Variants in KRT7 observed in about 807,000 individuals in gnomAD.
KRT7 encodes keratin 7.
Under a neutral mutation model 42.8 loss-of-function variants are expected in KRT7, and 50 were observed. The observed-to-expected ratio is 1.17, with a 90% CI of 0.93 to 1.48. KRT7 has a LOEUF of 1.48. Among genes scored for constraint, KRT7 ranks in the 40% most tolerant of loss-of-function variants. The pLI is 0.00. For synonymous variants in KRT7, 268 were observed against 266.3 expected, an observed-to-expected ratio of 1.01 and a Z score of -0.06; for missense variants, 588 against 637.6, an observed-to-expected ratio of 0.92 and a Z score of 0.84.
intron 3 of KRT7, among the ~76,000 whole-genome samples, chr12:52,238,351 A>G (rs1361362632): frequency 6.6e-6 from 1 of 152,232 alleles, no homozygotes; most frequent in Admixed American, 6.5e-5. Flanking sequence ...TTGAGCTCCC[A>G]GAGTTGAAGT....
intron 7 of KRT7, chr12:52,247,841 C>T (rs1018227176): frequency 4.6e-5 from 16 of 350,088 alleles, no homozygotes; most frequent in African/African-American, 1.9e-4. Flanking sequence ...TACCATTCAC[C>T]GAATCCCAGG....
Position 52,233,263 on chromosome 12 carries a change from C to A in KRT7, c.-34C>A. ...AGGTCAGCGAGTGCGCGCTCCTCCT[C>A]GCCCGCCGCTAGGTCCATCCCGGCC... On this transcript the variant is annotated 5_prime_UTR_variant, in exon 1 of 9. Transcript: ENST00000331817. 3 of 1,470,776 alleles carry A rather than the reference C, an allele frequency of 2.0e-6. No individual in the cohort carries two copies. The highest frequency in any genetic ancestry group is 2.7e-6 in the Non-Finnish European group (3 of 1,109,510). 91.1% of individuals were successfully genotyped at this position (1,470,776 alleles called of 1,614,324 possible). A position where few individuals can be genotyped will look rare whatever the true frequency, so the allele number is the denominator to read the frequency against.
rs760743677 is a variant in KRT7 at position 52,235,307 on chromosome 12, G to A, written c.477G>A (p.Gly159=). The change falls in exon 2 of 9, where the codon GGG becomes GGA. Residue 159 remains glycine (G), a synonymous_variant. Transcript: ENST00000331817. The part of the protein sequence containing the change: ...RGQLEALQVD[G]GRLEAELRSM... ...AGCTTGAGGCACTGCAGGTGGATGG[G>A]GGCCGCCTGGAGGCGGAGCTGCGGA... is the stretch of plus-strand genomic sequence containing the variant. 2 of 1,613,886 alleles carry A rather than the reference G, an allele frequency of 1.2e-6. No homozygotes were observed. The highest frequency in any genetic ancestry group is 2.7e-5 in the African/African-American group (2 of 74,938).
intron 8 of KRT7, 99 bp downstream of exon 8, chr12:52,248,310 G>C: frequency 7.9e-7 from 1 of 1,260,524 alleles, no homozygotes; most frequent in Non-Finnish European, 1.2e-6. Flanking sequence ...CTGCTGGAGG[G>C]GCCAGGAGAC....
chr12:52,241,884 G>A (rs1017911327), intron 5 of KRT7: 3 of 293,984 alleles, frequency 1.0e-5, no homozygotes, highest in African/African-American at 6.5e-5. Flanking sequence ...CTAGGCTCAT[G>A]TAATTATTGA....
chr12:52,249,230 C>G (rs1394300707), downstream of KRT7: 5 of 152,752 alleles, frequency 3.3e-5, no homozygotes, highest in African/African-American at 1.2e-4. Context: ...CTCCCTCCCC[C>G]CATGCCCAGA....
At chr12:52,241,711 T>A in intron 5 of KRT7, 75 bp downstream of exon 5, 1 of 1,371,302 alleles carries the variant, frequency 7.3e-7, no homozygotes, top group Non-Finnish European at 1.0e-6. Context: ...TCAACTTGTC[T>A]CAAGCCTTCA....
At chr12:52,254,706 C>T (rs150681447), downstream of KRT7, among the ~76,000 whole-genome samples, 8 of 152,312 alleles carry the variant, frequency 5.3e-5, no homozygotes, top group East Asian at 1.9e-4. Flanking sequence ...CACCCCTCTC[C>T]GCTCTGGAAT....
At chr12:52,238,247 T>C (rs1435669010) in intron 3 of KRT7, among the ~76,000 whole-genome samples, 1 of 152,222 alleles carries the variant, frequency 6.6e-6, no homozygotes, top group Non-Finnish European at 1.5e-5. Context: ...GTTACCATGC[T>C]GCAAATTAAA....
chr12:52,248,669 C>T lies in KRT7; in HGVS notation c.1319C>T (p.Ala440Val), dbSNP rs1450482738. The change falls in exon 9 of 9, where the codon GCC becomes GTC. Residue 440 changes from alanine to valine, a missense_variant. Ala to Val is a moderately conservative substitution (Grantham distance 64). Coordinates refer to ENST00000331817, the MANE Select transcript of KRT7 (RefSeq NM_005556.4). Reference sequence around the variant, plus strand: ...CTCGGGGGAACCATGGGCAGCAATGCCCTGAGCTTCTCCAGCAGTGCGGGT... The same window carrying T: ...CTCGGGGGAACCATGGGCAGCAATGTCCTGAGCTTCTCCAGCAGTGCGGGT... ...LTLGGTMGSN[A>V]LSFSSSAGPG... 8 of 1,613,366 alleles carry T rather than the reference C, an allele frequency of 5.0e-6. No homozygotes were observed. In the South Asian group the frequency reaches 8.8e-5, roughly 18 times the overall value.
chr12:52,244,379 C>G lies in KRT7; in HGVS notation c.985-1033C>G, dbSNP rs570912455. On this transcript the variant is annotated intron_variant, in intron 6 of 8. Transcript: ENST00000331817. Reference sequence around the variant, plus strand: ...TCTCCTCTCACACAACAGGGCGGATCCAGGCCTATAGCCAGGTGTCTACCA... The same window carrying G: ...TCTCCTCTCACACAACAGGGCGGATGCAGGCCTATAGCCAGGTGTCTACCA... 1.7e-5 allele frequency: 17 copies of G among 985,656 alleles called. No homozygotes were observed. In the South Asian group the frequency reaches 6.1e-4, roughly 35 times the overall value. The allele number at this position is 985,656 out of a possible 1,614,324, so 61.1% of individuals were successfully genotyped here. A position where few individuals can be genotyped will look rare whatever the true frequency, so the allele number is the denominator to read the frequency against.
At chr12:52,246,725 A>G (rs74093369) in intron 7 of KRT7, among the ~76,000 whole-genome samples, 4,050 of 152,276 alleles carry the variant, frequency 0.027, 181 homozygotes, top group African/African-American at 0.093. Flanking sequence ...GGAACACAGA[A>G]GCTGATCTGG....
At chr12:52,235,011 A>G in intron 1 of KRT7, 144 bp from the exon 2 acceptor site, 3 of 732,288 alleles carry the variant, frequency 4.1e-6, no homozygotes, top group South Asian at 1.8e-5. Context: ...TTGGAGTCCA[A>G]AGGGAGAGGG....
rs1565719515 is a variant in KRT7, at chr12:52,241,575, C to T, written c.797C>T (p.Ala266Val). The change falls in exon 5 of 9, where the codon GCG becomes GTG. Residue 266 changes from alanine to valine, a missense_variant. Physicochemically the swap from Ala to Val is moderately conservative, Grantham distance 64. Coordinates refer to ENST00000331817, the MANE Select transcript of KRT7 (RefSeq NM_005556.4). The part of the protein sequence containing the change: ...DLDGIIAEVK[A>V]QYEEMAKCSR... ...GACGGCATCATCGCTGAGGTCAAGG[C>T]GCAGTATGAGGAGATGGCCAAATGC... is the stretch of plus-strand genomic sequence containing the variant. The T allele has an allele frequency of 2.5e-6, 4 of 1,613,920 alleles. No homozygotes were observed. Among genetic ancestry groups the T allele is most frequent in the East Asian group, 2.2e-5 (1 of 44,870 alleles).
intron 1 of KRT7, among the ~76,000 whole-genome samples, chr12:52,234,143 G>GC (rs1445121141): frequency 5.7e-5 from 7 of 123,150 alleles, no homozygotes; most frequent in Admixed American, 1.5e-4. Context: ...GGGGGCTCCC[G>GC]CCCCTCCCCT....
downstream of KRT7, chr12:52,250,552 A>AG: frequency 1.2e-5 from 14 of 1,212,170 alleles, no homozygotes; most frequent in Non-Finnish European, 1.5e-5. Context: ...TTCCCGCTGC[A>AG]GGGGGCACTG....
downstream of KRT7, chr12:52,250,791 T>C (rs1425975147): frequency 2.8e-5 from 11 of 387,302 alleles, no homozygotes; most frequent in Admixed American, 4.0e-4. Context: ...CTTGATACAC[T>C]GTTAGCCCAG....
chr12:52,237,597 G>T, intron 3 of KRT7, 28 bp downstream of exon 3: 2 of 1,502,104 alleles, frequency 1.3e-6, no homozygotes, highest in Non-Finnish European at 1.8e-6. Flanking sequence ...GCTCGAGGAG[G>T]GTTGTCTGAA....
Position 52,235,226 on chromosome 12 carries a change from C to T in KRT7, c.396C>T (p.Ala132=), listed in dbSNP as rs773730875. ...CGCTGCTGCAGGAGCAGAAGTCGGCCAAGAGCAGCCGCCTCCCAGACATCT... is the reference window on the plus strand; with the variant it reads ...CGCTGCTGCAGGAGCAGAAGTCGGCTAAGAGCAGCCGCCTCCCAGACATCT... ...KWTLLQEQKS[A]KSSRLPDIFE... Residue 132 remains alanine (A), a synonymous_variant, in exon 2 of 9, where the codon GCC becomes GCT. Coordinates refer to ENST00000331817, the MANE Select transcript of KRT7 (RefSeq NM_005556.4). The T allele has an allele frequency of 5.6e-6, 9 of 1,614,048 alleles. No homozygotes were observed. Among genetic ancestry groups the T allele is most frequent in the Middle Eastern group, 3.3e-4 (2 of 6,064 alleles).
Sources: gnomAD v4.1 joint callset for allele counts (sites outside exome capture counted in the v4.1 genomes callset) on GRCh38, gnomAD v4.1.1 for gene constraint, MANE v1.5 for transcripts, NCBI Gene and HGNC (gene_info 2026-07-23, HGNC 2026-07-21) for gene names.